Variants in SCAF11 observed in about 807,000 individuals in gnomAD.
SCAF11 encodes protein SCAF11.
SCAF11 carries 47 observed loss-of-function variants against 140.5 expected under a neutral mutation model. The observed-to-expected ratio is 0.33, with a 90% confidence interval of 0.26 to 0.43. SCAF11 has a LOEUF of 0.43. Ranked by LOEUF, SCAF11 falls within the 20% of genes least tolerant of loss-of-function variation. SCAF11 has a pLI of 1.00. For synonymous variants in SCAF11, 557 were observed against 579.4 expected, an observed-to-expected ratio of 0.96 and a Z score of 0.55; for missense variants, 1,645 against 1,705.1, an observed-to-expected ratio of 0.96 and a Z score of 0.62.
chr12:45,990,637 C>T, upstream of SCAF11: 1 of 1,176,278 alleles, frequency 8.5e-7, no homozygotes. Context: ...CTCCCTCCTC[C>T]TCCCTTCCCT....
intron 1 of SCAF11, among the ~76,000 whole-genome samples, chr12:45,979,403 A>G (rs1222424271): frequency 2.0e-5 from 3 of 152,128 alleles, no homozygotes; most frequent in Non-Finnish European, 4.4e-5. Flanking sequence ...TGGATTTAAT[A>G]GGAAAAAAGG....
intron 4 of SCAF11, among the ~76,000 whole-genome samples, chr12:45,949,548 T>G (rs992381172): frequency 6.6e-6 from 1 of 152,168 alleles, no homozygotes; most frequent in South Asian, 2.1e-4. Context: ...GATGAAAGAA[T>G]AGGGGTCTAC....
chr12:45,946,684 T>G (rs1945431306), intron 5 of SCAF11, among the ~76,000 whole-genome samples: 2 of 152,296 alleles, frequency 1.3e-5, no homozygotes, highest in East Asian at 3.9e-4. Context: ...CAGCCAGTGA[T>G]ATGAGTTGTA....
chr12:45,991,780 T>C, upstream of SCAF11: 2 of 832,594 alleles, frequency 2.4e-6, no homozygotes, highest in Non-Finnish European at 3.1e-6. Context: ...CTGCCTGCCC[T>C]CAGTGTCCCC....
chr12:45,954,045 T>G (rs2136586027), intron 3 of SCAF11, among the ~76,000 whole-genome samples: 1 of 152,224 alleles, frequency 6.6e-6, no homozygotes, highest in East Asian at 1.9e-4. Context: ...GAAATCCAAG[T>G]ACTTCATTAT....
At chr12:45,990,726 T>A, upstream of SCAF11, 3 of 565,290 alleles carry the variant, frequency 5.3e-6, no homozygotes, top group Non-Finnish European at 5.1e-6. Flanking sequence ...TGGCCCTGAG[T>A]GCATGTTCGT....
chr12:45,967,998 A>T (rs747237648), intron 1 of SCAF11, among the ~76,000 whole-genome samples: 1 of 152,216 alleles, frequency 6.6e-6, no homozygotes, highest in African/African-American at 2.4e-5. Flanking sequence ...CTAGCCAGTA[A>T]TTTGTGGTCA....
At position 45,920,869 on chromosome 12, in the gene SCAF11, G is replaced by A. The variant is rs1347357614; in HGVS notation, c.*1179C>T. On this transcript the variant is annotated 3_prime_UTR_variant, in exon 15 of 15. Transcript: ENST00000369367. ...GAGTCTTGTAATTCTTAGCCCCAAGGAAGGGAGGATAACAGCCTAACAGCA... is the reference window on the plus strand; with the variant it reads ...GAGTCTTGTAATTCTTAGCCCCAAGAAAGGGAGGATAACAGCCTAACAGCA... The A allele has an allele frequency of 6.6e-6, 1 of 152,134 alleles. No homozygotes were observed. Among genetic ancestry groups the A allele is most frequent in the African/African-American group, 2.4e-5 (1 of 41,342 alleles). 9.4% of individuals were successfully genotyped at this position (152,134 alleles called of 1,614,324 possible). A position where few individuals can be genotyped will look rare whatever the true frequency, so the allele number is the denominator to read the frequency against.
chr12:45,977,421 G>A (rs1276599009), intron 1 of SCAF11, among the ~76,000 whole-genome samples: 1 of 152,054 alleles, frequency 6.6e-6, no homozygotes. Flanking sequence ...CAGTTACCTG[G>A]GTTAGGGGAA....
At chr12:45,924,224 C>G (rs1944788370) in intron 12 of SCAF11, among the ~76,000 whole-genome samples, 1 of 152,178 alleles carries the variant, frequency 6.6e-6, no homozygotes, top group Non-Finnish European at 1.5e-5. Context: ...CTATGTCTCA[C>G]AGAGGCACTT....
At position 45,921,783 on chromosome 12, in the gene SCAF11, A is replaced by G; in HGVS notation, c.*265T>C. On this transcript the variant is annotated 3_prime_UTR_variant, in exon 15 of 15. Coordinates refer to ENST00000369367, the MANE Select transcript of SCAF11 (RefSeq NM_004719.3). ...TACATTTTCCAGTATCCACACTATA[A>G]CACAGTCCTAGTAAAGATGCACATT... The G allele has an allele frequency of 2.7e-6, 1 of 374,562 alleles. No individual in the cohort carries two copies. Among genetic ancestry groups the G allele is most frequent in the Non-Finnish European group, 4.8e-6 (1 of 208,432 alleles). The allele number at this position is 374,562 out of a possible 1,614,324, so 23.2% of individuals were successfully genotyped here.
At position 45,921,824 on chromosome 12, in the gene SCAF11, C is replaced by T; in HGVS notation, c.*224G>A. The T allele has an allele frequency of 2.0e-6, 1 of 498,292 alleles. No homozygotes were observed. The highest frequency in any genetic ancestry group is 3.7e-5 in the Admixed American group (1 of 26,856). 30.9% of individuals were successfully genotyped at this position (498,292 alleles called of 1,614,324 possible). ...GATGCACATTCCTTTAAACCCTTTA[C>T]TTTCCCTTGAATTTTGTGGGGGAGG... On this transcript the variant is annotated 3_prime_UTR_variant, in exon 15 of 15. Coordinates refer to ENST00000369367, the MANE Select transcript of SCAF11 (RefSeq NM_004719.3).
rs547193012 is a variant in SCAF11 at position 45,926,379 on chromosome 12, T to C, written c.3322A>G (p.Asn1108Asp). The C allele has an allele frequency of 1.4e-5, 22 of 1,614,222 alleles. No homozygotes were observed. The East Asian group carries it at 1.6e-4, about 11-fold the overall frequency. Residue 1108 changes from asparagine (N) to aspartate (D), a missense_variant, in exon 11 of 15, where the codon AAC becomes GAC. By Grantham distance (23) the Asn-to-Asp change is conservative. Transcript: ENST00000369367. Reference sequence around the variant, plus strand: ...TTGAAAGATTCACTCCCTGAACTGTTTGAATTCCCTGAGAGGGGTTTTCGA... The same window carrying C: ...TTGAAAGATTCACTCCCTGAACTGTCTGAATTCCCTGAGAGGGGTTTTCGA... The part of the protein sequence containing the change: ...QNRKPLSGNS[N>D]SSGSESFKFV...
In SCAF11 at chr12:45,927,076, G is replaced by C. The variant is rs770376436; in HGVS notation, c.2625C>G (p.Ser875Arg). ...RSPKRDTTRESRRSESLSPRR... is the reference protein window; with the variant it reads ...RSPKRDTTRERRRSESLSPRR... ...TTGGGGACAGTGATTCAGATCTTCT[G>C]CTTTCCCTAGTAGTATCCCTTTTTG... is the stretch of plus-strand genomic sequence containing the variant. Residue 875 changes from serine to arginine, a missense_variant, in exon 11 of 15, where the codon AGC becomes AGG. Coordinates refer to ENST00000369367, the MANE Select transcript of SCAF11 (RefSeq NM_004719.3). 2.5e-6 allele frequency: 4 copies of C among 1,614,130 alleles called. No individual in the cohort carries two copies. The East Asian group carries it at 8.9e-5, about 36-fold the overall frequency.
chr12:45,947,207 C>T (rs1368324350), intron 5 of SCAF11, among the ~76,000 whole-genome samples: 1 of 152,122 alleles, frequency 6.6e-6, no homozygotes, highest in Non-Finnish European at 1.5e-5. Flanking sequence ...GCTCTAAATA[C>T]ATTTCAGATC....
At chr12:45,966,534 T>C (rs1320448512) in intron 1 of SCAF11, among the ~76,000 whole-genome samples, 1 of 151,630 alleles carries the variant, frequency 6.6e-6, no homozygotes, top group Non-Finnish European at 1.5e-5. Flanking sequence ...GTGTGGCTAT[T>C]AAGGAATAAA....
intron 1 of SCAF11, among the ~76,000 whole-genome samples, chr12:45,967,415 G>A (rs973708658): frequency 6.6e-6 from 1 of 152,180 alleles, no homozygotes; most frequent in Admixed American, 6.5e-5. Flanking sequence ...AGGCTGAGGC[G>A]GGAGGAGCGT....
rs770213942 is a variant in SCAF11 at position 45,928,045 on chromosome 12, T to C, written c.1656A>G (p.Thr552=). 1.2e-6 allele frequency: 2 copies of C among 1,613,708 alleles called. No homozygotes were observed. Among genetic ancestry groups the C allele is most frequent in the Non-Finnish European group, 8.5e-7 (1 of 1,180,008 alleles). ...ACACTTTGCTTTCAGATGTTAAACA[T>C]GTAGGAAAATCATTTGGAAGATGAA... ...CTVHLPNDFP[T]CLTSESKVYQ... The change falls in exon 11 of 15, where the codon ACA becomes ACG. Residue 552 remains threonine (T), a synonymous_variant. Transcript: ENST00000369367.
At chr12:45,942,263 A>G (rs1358578271) in intron 6 of SCAF11, among the ~76,000 whole-genome samples, 1 of 152,246 alleles carries the variant, frequency 6.6e-6, no homozygotes, top group African/African-American at 2.4e-5. Context: ...GATCAATGGT[A>G]CATACAGAAT....
Sources: allele counts gnomAD v4.1 joint callset (sites outside exome capture counted in the v4.1 genomes callset), GRCh38; gene constraint gnomAD v4.1.1; transcripts MANE v1.5; gene names NCBI Gene and HGNC (gene_info 2026-07-23, HGNC 2026-07-21).